Variants in CSMD1 observed in about 807,000 individuals in gnomAD.
CSMD1 encodes the protein CUB and Sushi multiple domains 1, also known as CUB and sushi domain-containing protein 1.
In CSMD1, 213 loss-of-function variants were observed where a neutral mutation model predicts 417.5. The ratio of observed to expected loss-of-function variants is 0.51; its 90% confidence interval spans 0.46 to 0.57. The LOEUF (loss-of-function observed/expected upper bound fraction) is 0.57, where lower values mean the gene tolerates loss of function less well. Ranked by LOEUF, CSMD1 falls within the 20% of genes least tolerant of loss-of-function variation. CSMD1 has a pLI of 0.00. For missense variants in CSMD1, 6,923 were observed against 4,529.7 expected, an observed-to-expected ratio of 1.53 and a Z score of -15.17; for synonymous variants, 2,862 against 1,736.8, an observed-to-expected ratio of 1.65 and a Z score of -16.11.
intron 3 of CSMD1, among the ~76,000 whole-genome samples, chr8:4,055,957 A>T (rs753449724): frequency 9.2e-5 from 14 of 152,152 alleles, no homozygotes; most frequent in Non-Finnish European, 1.3e-4. Flanking sequence ...AAAATGAAAC[A>T]CACCCTACCT....
chr8:4,691,487 G>A lies in CSMD1; in HGVS notation c.86-53929C>T, dbSNP rs138553588. Among the ~76,000 whole-genome samples, 5 of 152,294 alleles carry A rather than the reference G, an allele frequency of 3.3e-5. No individual in the cohort carries two copies. The East Asian group carries it at 7.7e-4, about 24-fold the overall frequency. ...ATTGATGGAACTCTCCGCCTGTGAA[G>A]GTTATTTGTATTTTTCCCCGCTTCT... On this transcript the variant is annotated intron_variant, in intron 1 of 69. Transcript: ENST00000635120.
chr8:3,024,335 T>C (rs1241928772), intron 51 of CSMD1, among the ~76,000 whole-genome samples: 1 of 151,658 alleles, frequency 6.6e-6, no homozygotes, highest in African/African-American at 2.4e-5. Flanking sequence ...GGACAGAGTA[T>C]TGCTCTGTCG....
At chr8:3,587,060 A>T (rs1290748153) in intron 8 of CSMD1, among the ~76,000 whole-genome samples, 1 of 152,214 alleles carries the variant, frequency 6.6e-6, no homozygotes, top group Non-Finnish European at 1.5e-5. Context: ...TCAGCCTCTC[A>T]AAATGCTAGG....
At chr8:4,344,570 A>G (rs959625424) in intron 3 of CSMD1, among the ~76,000 whole-genome samples, 6 of 151,134 alleles carry the variant, frequency 4.0e-5, no homozygotes, top group African/African-American at 7.2e-5. Context: ...ATATACATAT[A>G]TAAGTATATA....
At chr8:4,083,703 A>G (rs1800266577) in intron 3 of CSMD1, among the ~76,000 whole-genome samples, 1 of 152,208 alleles carries the variant, frequency 6.6e-6, no homozygotes. Context: ...AGATGGATTA[A>G]AGACTTAAAC....
chr8:3,162,020 A>G, intron 38 of CSMD1, 139 bp downstream of exon 38: 1 of 600,606 alleles, frequency 1.7e-6, no homozygotes, highest in Non-Finnish European at 3.0e-6. Flanking sequence ...GATGACCAAC[A>G]TGCATGATTT....
At chr8:3,952,675 A>T (rs1811668962) in intron 5 of CSMD1, among the ~76,000 whole-genome samples, 2 of 152,144 alleles carry the variant, frequency 1.3e-5, no homozygotes, top group South Asian at 2.1e-4. Flanking sequence ...AATCAAAGAG[A>T]TATTATTGTT....
At chr8:4,467,131 A>AG (rs1172497607) in intron 2 of CSMD1, among the ~76,000 whole-genome samples, 1 of 150,696 alleles carries the variant, frequency 6.6e-6, no homozygotes, top group Non-Finnish European at 1.5e-5. Context: ...GTAAAAAAAA[A>AG]AAAAAAAAAG....
At chr8:3,637,737 C>T (rs1584999829) in intron 7 of CSMD1, among the ~76,000 whole-genome samples, 2 of 152,262 alleles carry the variant, frequency 1.3e-5, no homozygotes, top group East Asian at 3.9e-4. Context: ...TTGGCTGTGT[C>T]CCCACCCAAA....
At chr8:4,955,863 T>C (rs912504094) in intron 1 of CSMD1, among the ~76,000 whole-genome samples, 1 of 147,248 alleles carries the variant, frequency 6.8e-6, no homozygotes, top group African/African-American at 2.5e-5. Flanking sequence ...AATCAGTATC[T>C]TTCCCCTCTA....
At chr8:4,467,871 A>G (rs1800277436) in intron 2 of CSMD1, among the ~76,000 whole-genome samples, 1 of 152,210 alleles carries the variant, frequency 6.6e-6, no homozygotes, top group Non-Finnish European at 1.5e-5. Context: ...GAGTTCCAAA[A>G]AAACAGAATC....
At chr8:3,910,997 G>C (rs1195989746) in intron 5 of CSMD1, among the ~76,000 whole-genome samples, 2 of 152,156 alleles carry the variant, frequency 1.3e-5, no homozygotes, top group East Asian at 1.9e-4. Context: ...GACAGATGTG[G>C]CCAAGTCCTA....
rs142126179 is a variant in CSMD1 at position 4,320,007 on chromosome 8, A to T, written c.415+99946T>A. 6.9e-4 allele frequency among the ~76,000 whole-genome samples: 105 copies of T among 152,280 alleles called. No homozygotes were observed. The East Asian group carries it at 0.018, about 26-fold the overall frequency. On this transcript the variant is annotated intron_variant, in intron 3 of 69. Coordinates refer to ENST00000635120, the MANE Select transcript of CSMD1 (RefSeq NM_033225.6). ...TATCATAAAATAGGAGTATTGGGTT[A>T]AGTACTCAAAGTACCACCTCAACAA...
intron 1 of CSMD1, among the ~76,000 whole-genome samples, chr8:4,938,325 T>A (rs1314677942): frequency 6.6e-6 from 1 of 152,220 alleles, no homozygotes; most frequent in Non-Finnish European, 1.5e-5. Context: ...TGCAATGAGT[T>A]CATAAATGCA....
At chr8:3,445,118 C>T (rs1275032946) in intron 12 of CSMD1, among the ~76,000 whole-genome samples, 1 of 152,184 alleles carries the variant, frequency 6.6e-6, no homozygotes. Context: ...ATAGGAGCAA[C>T]ATATAAACTA....
At chr8:4,751,693 C>G (rs922812779) in intron 1 of CSMD1, among the ~76,000 whole-genome samples, 5 of 152,144 alleles carry the variant, frequency 3.3e-5, no homozygotes, top group Non-Finnish European at 7.4e-5. Context: ...GCTACCCTTT[C>G]TCTGAAACAC....
At chr8:4,526,216 G>A (rs372263368) in intron 2 of CSMD1, among the ~76,000 whole-genome samples, 3 of 152,218 alleles carry the variant, frequency 2.0e-5, no homozygotes, top group South Asian at 2.1e-4. Context: ...TATTTCATGC[G>A]CTACATTTGA....
chr8:4,129,024 C>T (rs1290227044), intron 3 of CSMD1, among the ~76,000 whole-genome samples: 7 of 143,808 alleles, frequency 4.9e-5, no homozygotes, highest in East Asian at 2.1e-4. Context: ...TGCAGTAAGC[C>T]GAGATCGCGC....
chr8:4,348,187 T>A (rs761525510), intron 3 of CSMD1, among the ~76,000 whole-genome samples: 6 of 152,186 alleles, frequency 3.9e-5, no homozygotes, highest in African/African-American at 1.4e-4. Flanking sequence ...TCTCTGGATA[T>A]GGCATTGTGC....
Sources: gnomAD v4.1 joint callset for allele counts (sites outside exome capture counted in the v4.1 genomes callset) on GRCh38, gnomAD v4.1.1 for gene constraint, MANE v1.5 for transcripts, NCBI Gene and HGNC (gene_info 2026-07-23, HGNC 2026-07-21) for gene names.